Variants in LRWD1 observed in about 807,000 individuals in gnomAD.
LRWD1 encodes the protein leucine rich repeats and WD repeat domain containing 1, also known as leucine-rich repeat and WD repeat-containing protein 1.
Under a neutral mutation model 75.6 loss-of-function variants are expected in LRWD1, and 76 were observed. The observed-to-expected ratio is 1.01, with a 90% CI of 0.84 to 1.22. The LOEUF (loss-of-function observed/expected upper bound fraction) is 1.22, where lower values mean the gene tolerates loss of function less well. Among genes scored for constraint, LRWD1 ranks in the 50% most tolerant of loss-of-function variants. The pLI is 0.00. For synonymous variants in LRWD1, 487 were observed against 377.0 expected, an observed-to-expected ratio of 1.29 and a Z score of -3.38; for missense variants, 917 against 862.0, an observed-to-expected ratio of 1.06 and a Z score of -0.80.
chr7:102,465,650 C>G, intron 1 of LRWD1, 167 bp from the exon 2 acceptor site: 1 of 613,870 alleles, frequency 1.6e-6, no homozygotes, highest in South Asian at 1.9e-5. Flanking sequence ...CGCGCCTAGG[C>G]GACTGAGTGA....
At position 102,468,569 on chromosome 7, in the gene LRWD1, C is replaced by T; in HGVS notation, c.935C>T (p.Thr312Ile). The T allele has an allele frequency of 6.4e-7, 1 of 1,573,690 alleles. No homozygotes were observed. The highest frequency in any genetic ancestry group is 8.6e-7 in the Non-Finnish European group (1 of 1,159,402). The stretch of plus-strand genomic sequence containing the variant: ...GGGCACTCAGGGGCCACATCCCAGA[C>T]CGTGGCCACGTGCGGCGGGGAGGCT... The part of the protein sequence containing the change: ...PAWEEGATSQ[T>I]VATCGGEAVC... The change falls in exon 8 of 15, where the codon ACC becomes ATC. Residue 312 changes from threonine (T) to isoleucine (I), a missense_variant. Transcript: ENST00000292616.
At chr7:102,467,211 TGTG>T (rs1411686210) in intron 3 of LRWD1, 125 bp from the exon 4 acceptor site, 63 of 782,362 alleles carry the variant, frequency 8.1e-5, no homozygotes, top group African/African-American at 7.6e-4. Context: ...TGTGTGTGTG[TGTG>T]TTTTATGAGG....
In LRWD1 at chr7:102,469,619, C is replaced by T. The variant is rs1276619500; in HGVS notation, c.1274C>T (p.Pro425Leu). 2.1e-5 allele frequency: 34 copies of T among 1,614,052 alleles called. No homozygotes were observed. The highest frequency in any genetic ancestry group is 2.6e-5 in the Non-Finnish European group (31 of 1,180,022). Residue 425 changes from proline to leucine, a missense_variant, in exon 10 of 15, where the codon CCC (proline) becomes CTC (leucine). Pro to Leu is a moderately conservative substitution (Grantham distance 98). Transcript: ENST00000292616. The part of the protein sequence containing the change: ...KRIILWDIGV[P>L]NQDYEFQASQ... ...ATCATCCTCTGGGACATCGGGGTGC[C>T]CAACCAGGACTACGAATTCCAGGCC...
chr7:102,465,270 C>A, intron 1 of LRWD1, 110 bp downstream of exon 1: 2 of 1,110,590 alleles, frequency 1.8e-6, no homozygotes, highest in Non-Finnish European at 2.4e-6. Context: ...CCTCTGGGTT[C>A]GGCAGAGTGG....
chr7:102,467,309 C>T (rs1798039251), intron 3 of LRWD1, 30 bp from the exon 4 acceptor site: 7 of 1,571,268 alleles, frequency 4.5e-6, no homozygotes, highest in East Asian at 2.4e-5. Context: ...TGGGGTGGGC[C>T]GGGCCTGGAT....
At chr7:102,470,054 ACT>A (rs1280589418) in intron 11 of LRWD1, 172 bp downstream of exon 11, 3 of 815,638 alleles carry the variant, frequency 3.7e-6, no homozygotes, top group Non-Finnish European at 5.4e-6. Flanking sequence ...GGAGGAAAGG[ACT>A]CTGACCCTGC....
intron 10 of LRWD1, 28 bp downstream of exon 10, chr7:102,469,674 G>T (rs1217412438): frequency 6.2e-7 from 1 of 1,614,102 alleles, no homozygotes; most frequent in East Asian, 2.2e-5. Flanking sequence ...GCTGGGGAGT[G>T]GCCAGCTGCT....
chr7:102,472,310 G>C lies in LRWD1; in HGVS notation c.1534+1G>C, dbSNP rs111699541. On this transcript the variant is annotated splice_donor_variant, in intron 12 of 14. Coordinates refer to ENST00000292616, the MANE Select transcript of LRWD1 (RefSeq NM_152892.3). LOFTEE classifies it high-confidence loss of function. The stretch of plus-strand genomic sequence containing the variant: ...GCATTTGTGAATGAGGACATCGTGG[G>C]TGAGTGAGCTCAGCTTGTGGGACAG... 3 of 1,570,018 alleles carry C rather than the reference G, an allele frequency of 1.9e-6. No homozygotes were observed. Among genetic ancestry groups the C allele is most frequent in the Non-Finnish European group, 2.6e-6 (3 of 1,155,928 alleles).
Position 102,468,909 on chromosome 7 carries a change from A to C in LRWD1, c.1075A>C (p.Lys359Gln). The part of the protein sequence containing the change: ...ALMVVTQAGH[K>Q]KRWSVLAAAG... The stretch of plus-strand genomic sequence containing the variant: ...GATGGTGGTCACACAGGCTGGCCAC[A>C]AGAAGCGCTGGAGTGTGCTGGCGGC... Residue 359 changes from lysine (K) to glutamine (Q), a missense_variant, in exon 9 of 15, where the codon AAG becomes CAG. Lys to Gln is a moderately conservative substitution (Grantham distance 53, BLOSUM62 1). Coordinates refer to ENST00000292616, the MANE Select transcript of LRWD1 (RefSeq NM_152892.3). 6.2e-7 allele frequency: 1 copy of C among 1,612,946 alleles called. No individual in the cohort carries two copies. The highest frequency in any genetic ancestry group is 8.5e-7 in the Non-Finnish European group (1 of 1,179,960).
Position 102,472,215 on chromosome 7 carries a change from C to G in LRWD1, c.1443-3C>G. 1.9e-6 allele frequency: 3 copies of G among 1,587,598 alleles called. No homozygotes were observed. Among genetic ancestry groups the G allele is most frequent in the Non-Finnish European group, 2.6e-6 (3 of 1,165,032 alleles). ...CCAACTAGCATCTCGTGCTGCCCCA[C>G]AGGGTGTGTGAAGTGGAATTCGTCT... On this transcript the variant is annotated splice_region_variant and splice_polypyrimidine_tract_variant and intron_variant, in intron 11 of 14. Transcript: ENST00000292616.
chr7:102,467,300 G>A, intron 3 of LRWD1, 39 bp from the exon 4 acceptor site: 1 of 1,561,896 alleles, frequency 6.4e-7, no homozygotes, highest in Non-Finnish European at 8.7e-7. Flanking sequence ...CGGAGGAGCT[G>A]GGGTGGGCCG....
In LRWD1 at chr7:102,473,086, C is replaced by G. The variant is rs769725527; in HGVS notation, c.*37C>G. On this transcript the variant is annotated 3_prime_UTR_variant, in exon 15 of 15. Transcript: ENST00000292616. ...CGCAAAGGACCAGGGACACAGCTAA[C>G]TAACTTATTCAGCTTTGGGCCGATG... 28 of 1,577,606 alleles carry G rather than the reference C, an allele frequency of 1.8e-5. No individual in the cohort carries two copies. The highest frequency in any genetic ancestry group is 2.3e-5 in the Non-Finnish European group (27 of 1,157,358).
chr7:102,468,836 T>C lies in LRWD1; in HGVS notation c.1021-19T>C, dbSNP rs775938390. 5.0e-5 allele frequency: 80 copies of C among 1,606,576 alleles called. No homozygotes were observed. The highest frequency in any genetic ancestry group is 6.5e-5 in the Non-Finnish European group (77 of 1,178,002). ...CAATAGCTCTGCCCCAGTGACTGTTTACTCTAACCCCCGCCCAGGAGTTCT... is the reference window on the plus strand; with the variant it reads ...CAATAGCTCTGCCCCAGTGACTGTTCACTCTAACCCCCGCCCAGGAGTTCT... On this transcript the variant is annotated intron_variant, in intron 8 of 14. Transcript: ENST00000292616.
chr7:102,472,752 A>C lies in LRWD1; in HGVS notation c.1751A>C (p.Asn584Thr). 2 of 1,613,464 alleles carry C rather than the reference A, an allele frequency of 1.2e-6. No homozygotes were observed. Among genetic ancestry groups the C allele is most frequent in the Non-Finnish European group, 1.7e-6 (2 of 1,179,950 alleles). ...EGNVWLYDVS[N>T]ILKQPPLLPA... The stretch of plus-strand genomic sequence containing the variant: ...AACGTGTGGCTCTACGACGTCAGCA[A>C]CATCCTGAAGCAGCCACCCCTGCTG... The change falls in exon 14 of 15, where the codon AAC becomes ACC. Residue 584 changes from asparagine (N) to threonine (T), a missense_variant. Coordinates refer to ENST00000292616, the MANE Select transcript of LRWD1 (RefSeq NM_152892.3).
rs1797912880 is a variant in LRWD1, at chr7:102,465,011, C to T, written c.-70C>T. 2 of 1,381,110 alleles carry T rather than the reference C, an allele frequency of 1.4e-6. No homozygotes were observed. 85.6% of individuals were successfully genotyped at this position (1,381,110 alleles called of 1,614,324 possible). ...TTACCGCGGACGCCAGTGCCGGGCT[C>T]CAGGAGACGCAGGGCGACGCCACAC... On this transcript the variant is annotated 5_prime_UTR_variant, in exon 1 of 15. Coordinates refer to ENST00000292616, the MANE Select transcript of LRWD1 (RefSeq NM_152892.3).
Position 102,466,178 on chromosome 7 carries a change from T to G in LRWD1, c.340T>G (p.Phe114Val). The change falls in exon 3 of 15, where the codon TTT (phenylalanine) becomes GTT (valine). Residue 114 changes from phenylalanine to valine, a missense_variant. Physicochemically the swap from Phe to Val is conservative, Grantham distance 50. Coordinates refer to ENST00000292616, the MANE Select transcript of LRWD1 (RefSeq NM_152892.3). The stretch of plus-strand genomic sequence containing the variant: ...GGTCAATGACAACCTGAAAGTCTCC[T>G]TTCTCCTGCCCACGCTCCGTAAGGT... The part of the protein sequence containing the change: ...LTVNDNLKVS[F>V]LLPTLRKVNG... 1 of 1,614,190 alleles carries G rather than the reference T, an allele frequency of 6.2e-7. No individual in the cohort carries two copies. The highest frequency in any genetic ancestry group is 8.5e-7 in the Non-Finnish European group (1 of 1,180,032).
intron 3 of LRWD1, among the ~76,000 whole-genome samples, 157 bp from the exon 4 acceptor site, chr7:102,467,182 G>A (rs112938997): frequency 1.1e-3 from 55 of 51,344 alleles, no homozygotes; most frequent in East Asian, 2.2e-3. Flanking sequence ...GTGTGTGTGT[G>A]TGTGTGTGTG....
At position 102,467,826 on chromosome 7, in the gene LRWD1, G is replaced by T; in HGVS notation, c.678+3G>T. On this transcript the variant is annotated splice_donor_region_variant and intron_variant, in intron 5 of 14. Coordinates refer to ENST00000292616, the MANE Select transcript of LRWD1 (RefSeq NM_152892.3). The stretch of plus-strand genomic sequence containing the variant: ...CTGGAGCTGCCCACAAGCCCAGGGT[G>T]AGTGCAGCTCCCAGGGCTCTGAGGC... 5 of 1,549,770 alleles carry T rather than the reference G, an allele frequency of 3.2e-6. No homozygotes were observed. The highest frequency in any genetic ancestry group is 4.4e-6 in the Non-Finnish European group (5 of 1,146,852).
At position 102,468,899 on chromosome 7, in the gene LRWD1, G is replaced by A; in HGVS notation, c.1065G>A (p.Gln355=). The stretch of plus-strand genomic sequence containing the variant: ...GGACCGCTCTGATGGTGGTCACACA[G>A]GCTGGCCACAAGAAGCGCTGGAGTG... The part of the protein sequence containing the change: ...VAWTALMVVT[Q]AGHKKRWSVL... The change falls in exon 9 of 15, where the codon CAG becomes CAA. Residue 355 remains glutamine, a synonymous_variant. Transcript: ENST00000292616. 6.2e-7 allele frequency: 1 copy of A among 1,612,856 alleles called. No homozygotes were observed. Among genetic ancestry groups the A allele is most frequent in the South Asian group, 1.1e-5 (1 of 91,082 alleles).
Sources: gnomAD v4.1 joint callset for allele counts (sites outside exome capture counted in the v4.1 genomes callset) on GRCh38, gnomAD v4.1.1 for gene constraint, MANE v1.5 for transcripts, NCBI Gene and HGNC (gene_info 2026-07-23, HGNC 2026-07-21) for gene names.